The following FHL2 variants were observed in gnomAD, a reference collection of about 807,000 sequenced individuals.
FHL2 encodes the protein four and a half LIM domains protein 2.
A neutral mutation model predicts 32.7 loss-of-function variants in FHL2; 20 were observed. That is an observed-to-expected ratio of 0.61 (90% CI 0.43 to 0.89). The LOEUF (loss-of-function observed/expected upper bound fraction) is 0.89. Among genes scored for constraint, FHL2 ranks in the 40% least tolerant of loss-of-function variants. The pLI is 0.00. For synonymous variants in FHL2, 123 were observed against 128.1 expected (o/e 0.96, Z 0.27); for missense variants, 311 against 358.6 (o/e 0.87, Z 1.07).
At chr2:105,396,563 A>T (rs1193570533) in intron 2 of FHL2, 84 bp downstream of exon 2, 1 of 1,260,962 alleles carries the variant, frequency 7.9e-7, no homozygotes, top group African/African-American at 1.5e-5. Flanking sequence ...TGGCCCAGTC[A>T]AGTTGACACA....
At chr2:105,373,391 T>TATGTCCCTGC in intron 4 of FHL2, 168 bp downstream of exon 4, 1 of 687,980 alleles carries the variant, frequency 1.5e-6, no homozygotes, top group South Asian at 1.7e-5. Context: ...ATAGAACCTG[T>TATGTCCCTGC]ATGTCCCTGC....
chr2:105,407,880 C>A (rs1231445926), intron 1 of FHL2, among the ~76,000 whole-genome samples: 1 of 152,186 alleles, frequency 6.6e-6, no homozygotes, highest in East Asian at 1.9e-4. Context: ...CTGCATCCTG[C>A]AAACGGAAGC....
intron 5 of FHL2, among the ~76,000 whole-genome samples, chr2:105,365,336 G>A (rs1353004215): frequency 1.3e-5 from 2 of 152,156 alleles, no homozygotes; most frequent in South Asian, 2.1e-4. Context: ...GCCTGAGAGG[G>A]CCAAGTTCAT....
chr2:105,382,964 C>A (rs1257321203), intron 3 of FHL2, among the ~76,000 whole-genome samples: 1 of 152,222 alleles, frequency 6.6e-6, no homozygotes, highest in Non-Finnish European at 1.5e-5. Context: ...TGGCTCACTG[C>A]AACCTCTACC....
intron 1 of FHL2, among the ~76,000 whole-genome samples, chr2:105,425,677 T>A (rs1684242689): frequency 6.6e-6 from 1 of 152,146 alleles, no homozygotes. Context: ...ACTGCCTTGT[T>A]ATTCTTTACT....
chr2:105,410,339 C>A (rs565308089), intron 1 of FHL2, among the ~76,000 whole-genome samples: 1 of 152,296 alleles, frequency 6.6e-6, no homozygotes, highest in Non-Finnish European at 1.5e-5. Context: ...GCAGATAACC[C>A]CACATAGCTG....
upstream of FHL2, among the ~76,000 whole-genome samples, chr2:105,401,064 C>CTT (rs10561053): frequency 0.024 from 3,046 of 125,434 alleles, 58 homozygotes; most frequent in East Asian, 0.038. Context: ...TTATTGGATT[C>CTT]TTTTTTTTTT....
rs541125289 is a variant in FHL2, at chr2:105,391,949, A to G, written c.-25+4698T>C. ...ATTTCACTGAATCAAATTCCAAATC[A>G]CAGTTTCCTGGAGTTCTTATTCCTC... is the stretch of plus-strand genomic sequence containing the variant. On this transcript the variant is annotated intron_variant, in intron 2 of 6. Coordinates refer to ENST00000530340, the MANE Select transcript of FHL2 (RefSeq NM_001318895.3). Among the ~76,000 whole-genome samples, 161 of 152,276 alleles carry G rather than the reference A, an allele frequency of 1.1e-3. 1 individual carries two copies. The highest frequency in any genetic ancestry group is 2.7e-3 in the South Asian group (13 of 4,824).
At chr2:105,371,422 A>T (rs976391320) in intron 4 of FHL2, among the ~76,000 whole-genome samples, 2 of 151,984 alleles carry the variant, frequency 1.3e-5, no homozygotes, top group Non-Finnish European at 2.9e-5. Context: ...CTGCCGCCCT[A>T]CGGAATTCAA....
Position 105,416,092 on chromosome 2 carries a change from G to A in FHL2, c.-25+22307C>T, listed in dbSNP as rs554956486. On this transcript the variant is annotated intron_variant, in intron 1 of 5. Transcript: ENST00000393352. ...TTTAATATTATTAAGAATCCCAAAGGGCTTTTGTTTATGTAGGTTATATCT... is the reference window on the plus strand; with the variant it reads ...TTTAATATTATTAAGAATCCCAAAGAGCTTTTGTTTATGTAGGTTATATCT... Among the ~76,000 whole-genome samples the A allele has an allele frequency of 9.2e-5, 14 of 152,036 alleles. No homozygotes were observed. In the South Asian group the frequency reaches 1.7e-3, roughly 18 times the overall value.
In FHL2 at chr2:105,406,984, A is replaced by G. The variant is rs181834658; in HGVS notation, c.-24-20444T>C. Among the ~76,000 whole-genome samples, 89 of 152,368 alleles carry G rather than the reference A, an allele frequency of 5.8e-4. 1 individual carries two copies. In the East Asian group the frequency reaches 0.017, roughly 29 times the overall value. Reference sequence around the variant, plus strand: ...AGTCCACTCCTTCTTTCCCATGTTTATAACAACAGAGGAGACTGTGAGCTC... The same window carrying G: ...AGTCCACTCCTTCTTTCCCATGTTTGTAACAACAGAGGAGACTGTGAGCTC... On this transcript the variant is annotated intron_variant, in intron 1 of 5. Transcript: ENST00000393352.
At chr2:105,387,131 A>G (rs985822836) in intron 2 of FHL2, among the ~76,000 whole-genome samples, 30 of 152,292 alleles carry the variant, frequency 2.0e-4, no homozygotes, top group Admixed American at 1.4e-3. Context: ...TCAGTTTTAA[A>G]TGCAGGTAAG....
chr2:105,375,174 CATGTGTGCATGT>C (rs1210024101), intron 3 of FHL2: 1 of 151,982 alleles, frequency 6.6e-6, no homozygotes, highest in Non-Finnish European at 1.5e-5. Context: ...TGCGTGTGCA[CATGTGTGCATGT>C]ATGTGTGTTT....
Position 105,432,518 on chromosome 2 carries a change from G to A in FHL2, c.-25+5881C>T, listed in dbSNP as rs529340229. ...GGTTCCTAAATTATATTTAAAGAGAGCAAAATATTACAGTTTCCTAGTAAG... is the reference window on the plus strand; with the variant it reads ...GGTTCCTAAATTATATTTAAAGAGAACAAAATATTACAGTTTCCTAGTAAG... On this transcript the variant is annotated intron_variant, in intron 1 of 5. Coordinates refer to the FHL2 transcript ENST00000393352. Among the ~76,000 whole-genome samples, 212 of 152,296 alleles carry A rather than the reference G, an allele frequency of 1.4e-3. No homozygotes were observed. In the South Asian group the frequency reaches 0.017, roughly 12 times the overall value.
rs895208259 is a variant in FHL2, at chr2:105,407,778, T to A, written c.-24-21238A>T. On this transcript the variant is annotated intron_variant, in intron 1 of 5. Coordinates refer to the FHL2 transcript ENST00000393352. ...TTCTTTGCTAGTGAGGGGCTTCTTC[T>A]CCTGCCCCAATCCTCCCCCCGCTGC... Among the ~76,000 whole-genome samples, 6 of 152,236 alleles carry A rather than the reference T, an allele frequency of 3.9e-5. No homozygotes were observed. The East Asian group carries it at 1.2e-3, about 29-fold the overall frequency.
At chr2:105,375,894 G>A (rs889111180) in intron 3 of FHL2, 31 of 152,158 alleles carry the variant, frequency 2.0e-4, no homozygotes, top group African/African-American at 6.0e-4. Context: ...AAATCTGAGG[G>A]GAACATCACC....
intron 5 of FHL2, among the ~76,000 whole-genome samples, chr2:105,364,187 CAG>C (rs539731905): frequency 1.8e-4 from 28 of 152,268 alleles, no homozygotes; most frequent in African/African-American, 6.3e-4. Context: ...ACCCTGGAAA[CAG>C]AGGTTGCAGT....
intron 1 of FHL2, among the ~76,000 whole-genome samples, chr2:105,408,668 C>G (rs943528747): frequency 1.3e-5 from 2 of 152,222 alleles, no homozygotes; most frequent in African/African-American, 4.8e-5. Flanking sequence ...AGTGAGCATA[C>G]ACATGATGGC....
chr2:105,377,414 T>C (rs551579185), intron 3 of FHL2, among the ~76,000 whole-genome samples: 13 of 152,250 alleles, frequency 8.5e-5, no homozygotes, highest in African/African-American at 2.9e-4. Context: ...GCGGATCACC[T>C]GAGGTCATGA....
Sources: gnomAD v4.1 joint callset for allele counts (sites outside exome capture counted in the v4.1 genomes callset) on GRCh38, gnomAD v4.1.1 for gene constraint, MANE v1.5 for transcripts, NCBI Gene and HGNC (gene_info 2026-07-23, HGNC 2026-07-21) for gene names.